Variants in PRUNE2 observed in about 807,000 individuals in gnomAD.
PRUNE2 encodes the protein protein prune homolog 2.
Under a neutral mutation model 252.0 loss-of-function variants are expected in PRUNE2, and 164 were observed. The observed-to-expected ratio is 0.65, with a 90% CI of 0.57 to 0.74. The LOEUF (loss-of-function observed/expected upper bound fraction) is 0.74, where lower values mean the gene tolerates loss of function less well. PRUNE2 is among the 30% of genes least tolerant of loss of function. The pLI is 0.00. For missense variants in PRUNE2, 3,495 were observed against 3,711.0 expected, an observed-to-expected ratio of 0.94 and a Z score of 1.51; for synonymous variants, 1,292 against 1,350.2, an observed-to-expected ratio of 0.96 and a Z score of 0.94.
At chr9:76,663,689 T>C (rs922782365) in intron 9 of PRUNE2, among the ~76,000 whole-genome samples, 6 of 152,224 alleles carry the variant, frequency 3.9e-5, no homozygotes, top group African/African-American at 1.4e-4. Flanking sequence ...AAGGAAAGCC[T>C]ACATTTTTAT....
chr9:76,814,561 C>T (rs2057561059), intron 6 of PRUNE2, among the ~76,000 whole-genome samples: 1 of 152,118 alleles, frequency 6.6e-6, no homozygotes, highest in East Asian at 1.9e-4. Flanking sequence ...TGGGGGTGAC[C>T]TGCTACACAG....
At chr9:76,804,877 A>C (rs990809215) in intron 6 of PRUNE2, among the ~76,000 whole-genome samples, 7 of 152,152 alleles carry the variant, frequency 4.6e-5, no homozygotes, top group African/African-American at 1.7e-4. Flanking sequence ...TTAAGGTGGT[A>C]ACTTCCAGGA....
At position 76,703,237 on chromosome 9, in the gene PRUNE2, T is replaced by A. The variant is rs578163053; in HGVS notation, c.8276+100A>T. 16 of 1,044,218 alleles carry A rather than the reference T, an allele frequency of 1.5e-5. No homozygotes were observed. In the African/African-American group the frequency reaches 2.6e-4, roughly 17 times the overall value. 64.7% of individuals were successfully genotyped at this position (1,044,218 alleles called of 1,614,324 possible). A position where few individuals can be genotyped will look rare whatever the true frequency, so the allele number is the denominator to read the frequency against. ...GCATTCAATATAAGCAAAGCTGCTA[T>A]CATCCAGGTATTCCTCATATTCCAT... On this transcript the variant is annotated intron_variant, in intron 9 of 18. Transcript: ENST00000376718.
At chr9:76,638,646 A>G (rs1841192524) in intron 12 of PRUNE2, among the ~76,000 whole-genome samples, 1 of 152,230 alleles carries the variant, frequency 6.6e-6, no homozygotes, top group South Asian at 2.1e-4. Flanking sequence ...TGTCAGATTT[A>G]TATCATACTA....
chr9:76,685,367 G>C (rs1266349356), intron 9 of PRUNE2, among the ~76,000 whole-genome samples: 1 of 152,166 alleles, frequency 6.6e-6, no homozygotes, highest in Non-Finnish European at 1.5e-5. Flanking sequence ...CCAATCACAG[G>C]ACCATCAGGA....
intron 11 of PRUNE2, among the ~76,000 whole-genome samples, chr9:76,650,426 A>AT (rs1413107795): frequency 6.6e-6 from 1 of 152,192 alleles, no homozygotes; most frequent in Non-Finnish European, 1.5e-5. Context: ...TTTGTTTAGA[A>AT]TGTACATTCC....
intron 1 of PRUNE2, among the ~76,000 whole-genome samples, chr9:76,857,403 GA>G (rs1189220213): frequency 7.4e-5 from 11 of 148,044 alleles, no homozygotes; most frequent in Middle Eastern, 7.0e-3. Flanking sequence ...AAGATGACTG[GA>G]AAAAAAAAAG....
intron 9 of PRUNE2, among the ~76,000 whole-genome samples, chr9:76,679,850 T>C (rs994078716): frequency 6.6e-6 from 1 of 152,156 alleles, no homozygotes; most frequent in Non-Finnish European, 1.5e-5. Context: ...TTATGCAATA[T>C]ACCAAAATTG....
chr9:76,837,491 T>TC (rs58698924), intron 4 of PRUNE2, among the ~76,000 whole-genome samples: 132,492 of 149,040 alleles, frequency 0.89, 59,055 homozygotes, highest in African/African-American at 0.93. Context: ...ATTAAAGCAA[T>TC]CCCATACACT....
intron 4 of PRUNE2, among the ~76,000 whole-genome samples, chr9:76,843,699 T>C (rs10119153): frequency 0.23 from 34,716 of 150,790 alleles, 4,280 homozygotes; most frequent in African/African-American, 0.33. Flanking sequence ...AATTCAGTGA[T>C]GACAGCAAAA....
At chr9:76,855,082 A>AAAAAAAAATATATATATATATATAT (rs1490285240) in intron 1 of PRUNE2, among the ~76,000 whole-genome samples, 1 of 109,438 alleles carries the variant, frequency 9.1e-6, no homozygotes, top group African/African-American at 3.9e-5. Flanking sequence ...AAAAAAAAAA[A>AAAAAAAAATATATATATATATATAT]ATATATATAT....
intron 6 of PRUNE2, among the ~76,000 whole-genome samples, chr9:76,803,237 T>C (rs2056688475): frequency 6.6e-6 from 1 of 152,218 alleles, no homozygotes; most frequent in Admixed American, 6.5e-5. Flanking sequence ...ATACATTGCC[T>C]TGGTGCTTCA....
At chr9:76,777,633 G>A (rs184065684) in intron 6 of PRUNE2, among the ~76,000 whole-genome samples, 6 of 152,254 alleles carry the variant, frequency 3.9e-5, no homozygotes, top group East Asian at 3.9e-4. Context: ...CCCTACCCTC[G>A]TGAAAGTCAC....
intron 9 of PRUNE2, among the ~76,000 whole-genome samples, chr9:76,685,776 T>A (rs1284968370): frequency 6.6e-6 from 1 of 152,212 alleles, no homozygotes; most frequent in East Asian, 1.9e-4. Context: ...TACTTTGTTA[T>A]AGCAGCCCTA....
chr9:76,647,848 G>A (rs1372701576), intron 11 of PRUNE2, among the ~76,000 whole-genome samples: 3 of 152,110 alleles, frequency 2.0e-5, no homozygotes, highest in African/African-American at 7.2e-5. Flanking sequence ...TGTAATCCCA[G>A]CTACTTGGGA....
chr9:76,765,463 A>G (rs891193803), intron 6 of PRUNE2, among the ~76,000 whole-genome samples: 8 of 152,264 alleles, frequency 5.3e-5, no homozygotes, highest in African/African-American at 1.9e-4. Flanking sequence ...CCTGGATTCA[A>G]CTGAGGTAAG....
At chr9:76,884,380 C>A (rs1009643435) in intron 1 of PRUNE2, among the ~76,000 whole-genome samples, 2 of 152,126 alleles carry the variant, frequency 1.3e-5, no homozygotes, top group African/African-American at 4.8e-5. Flanking sequence ...TGGCTAAGTG[C>A]TTCAAATGCA....
intron 1 of PRUNE2, among the ~76,000 whole-genome samples, chr9:76,865,867 G>A (rs2060813586): frequency 6.7e-6 from 1 of 148,682 alleles, no homozygotes; most frequent in Non-Finnish European, 1.5e-5. Flanking sequence ...TATGACATGT[G>A]CATTATGCCC....
At position 76,705,607 on chromosome 9, in the gene PRUNE2, T is replaced by G. The variant is rs1477203948; in HGVS notation, c.6667A>C (p.Arg2223=). The change falls in exon 8 of 19, where the codon AGA becomes CGA. Residue 2223 remains arginine (R), a synonymous_variant. Transcript: ENST00000376718. ...DMAPILEPVD[R]RIPRIENVAT... Reference sequence around the variant, plus strand: ...ACATTTTCAATCCTTGGGATTCTTCTGTCAACTGGTTCCAAAATTGGTGCC... The same window carrying G: ...ACATTTTCAATCCTTGGGATTCTTCGGTCAACTGGTTCCAAAATTGGTGCC... The G allele has an allele frequency of 6.2e-7, 1 of 1,613,936 alleles. No homozygotes were observed. Among genetic ancestry groups the G allele is most frequent in the Non-Finnish European group, 8.5e-7 (1 of 1,179,902 alleles).
Sources: allele counts gnomAD v4.1 joint callset (sites outside exome capture counted in the v4.1 genomes callset), GRCh38; gene constraint gnomAD v4.1.1; transcripts MANE v1.5; gene names NCBI Gene and HGNC (gene_info 2026-07-23, HGNC 2026-07-21).